The following DLGAP1 variants were observed in gnomAD, a reference collection of about 807,000 sequenced individuals.
DLGAP1 encodes disks large-associated protein 1.
DLGAP1 carries 11 observed loss-of-function variants against 90.8 expected under a neutral mutation model. The ratio of observed to expected loss-of-function variants is 0.12; its 90% confidence interval spans 0.08 to 0.20. The LOEUF (loss-of-function observed/expected upper bound fraction) is 0.20, where lower values mean the gene tolerates loss of function less well. Among genes scored for constraint, DLGAP1 ranks in the 10% least tolerant of loss-of-function variants. DLGAP1 has a pLI of 1.00. For missense variants in DLGAP1, 1,050 were observed against 1,333.8 expected, an observed-to-expected ratio of 0.79 and a Z score of 3.31; for synonymous variants, 558 against 540.7, an observed-to-expected ratio of 1.03 and a Z score of -0.44.
intron 5 of DLGAP1, among the ~76,000 whole-genome samples, chr18:3,758,105 T>A (rs1296184450): frequency 6.9e-6 from 1 of 145,698 alleles, no homozygotes; most frequent in African/African-American, 2.6e-5. Context: ...AGACTCTATC[T>A]TGAGAAAAAA....
chr18:3,993,078 T>TTC (rs2074000503), intron 3 of DLGAP1: 2 of 150,670 alleles, frequency 1.3e-5, no homozygotes, highest in South Asian at 2.1e-4. Flanking sequence ...ATTCCATGAT[T>TTC]TTTTTTTTTC....
intron 5 of DLGAP1, among the ~76,000 whole-genome samples, chr18:3,753,925 A>G (rs1490386899): frequency 6.6e-6 from 1 of 152,210 alleles, no homozygotes; most frequent in East Asian, 1.9e-4. Context: ...GCAAATACCA[A>G]AACCTGGAGA....
intron 3 of DLGAP1, among the ~76,000 whole-genome samples, chr18:3,915,186 C>T (rs1014282105): frequency 5.9e-5 from 9 of 152,154 alleles, no homozygotes; most frequent in Non-Finnish European, 1.0e-4. Flanking sequence ...TATTCAGGTC[C>T]TTTGCCCATT....
At position 4,136,491 on chromosome 18, in the gene DLGAP1, T is replaced by G. The variant is rs565101672; in HGVS notation, c.-159+14689A>C. 3.3e-5 allele frequency among the ~76,000 whole-genome samples: 5 copies of G among 152,346 alleles called. No individual in the cohort carries two copies. In the South Asian group the frequency reaches 8.3e-4, roughly 25 times the overall value. On this transcript the variant is annotated intron_variant, in intron 2 of 12. Coordinates refer to ENST00000315677, the MANE Select transcript of DLGAP1 (RefSeq NM_004746.4). The stretch of plus-strand genomic sequence containing the variant: ...TGATTTGCATTTCTCTAATGATCAA[T>G]GATGGTGAGCACCTTCTCATATATC...
At chr18:4,057,944 G>T (rs1016284504) in intron 2 of DLGAP1, among the ~76,000 whole-genome samples, 2 of 152,092 alleles carry the variant, frequency 1.3e-5, no homozygotes, top group African/African-American at 4.8e-5. Context: ...TAGAGGCTCT[G>T]CTCCTCCTGG....
intron 3 of DLGAP1, among the ~76,000 whole-genome samples, chr18:3,966,827 G>C (rs1254737491): frequency 6.6e-6 from 1 of 152,186 alleles, no homozygotes; most frequent in African/African-American, 2.4e-5. Context: ...GTCTGAGCTA[G>C]AGATAACAGA....
intron 5 of DLGAP1, among the ~76,000 whole-genome samples, chr18:3,744,465 A>G (rs2063183882): frequency 6.6e-6 from 1 of 152,168 alleles, no homozygotes; most frequent in African/African-American, 2.4e-5. Context: ...TAATGCAAAA[A>G]ACCCCCACAA....
chr18:3,977,259 A>G (rs1158251732), intron 3 of DLGAP1, among the ~76,000 whole-genome samples: 2 of 151,960 alleles, frequency 1.3e-5, no homozygotes, highest in Non-Finnish European at 2.9e-5. Flanking sequence ...TTTAGTAGAG[A>G]CGGGGTTTTC....
At chr18:4,435,294 G>C (rs1003510607) in intron 1 of DLGAP1, among the ~76,000 whole-genome samples, 5 of 152,138 alleles carry the variant, frequency 3.3e-5, no homozygotes, top group Non-Finnish European at 7.3e-5. Flanking sequence ...TTGATACAAG[G>C]AAGTAAAAGT....
chr18:4,035,135 C>CAT (rs1296534567), intron 2 of DLGAP1, among the ~76,000 whole-genome samples: 1 of 152,174 alleles, frequency 6.6e-6, no homozygotes, highest in Non-Finnish European at 1.5e-5. Context: ...CCGCAATAAA[C>CAT]ATACACGTGC....
At chr18:3,645,497 T>C (rs2059087804) in intron 7 of DLGAP1, among the ~76,000 whole-genome samples, 1 of 152,140 alleles carries the variant, frequency 6.6e-6, no homozygotes, top group South Asian at 2.1e-4. Context: ...TGCAGTCACA[T>C]CTGACTCCTG....
intron 7 of DLGAP1, among the ~76,000 whole-genome samples, chr18:3,641,931 T>C (rs538503968): frequency 2.6e-5 from 4 of 152,304 alleles, no homozygotes; most frequent in African/African-American, 7.2e-5. Flanking sequence ...TTAAATGCCT[T>C]TGGACGCTAA....
chr18:4,064,656 T>A (rs2075346935), intron 2 of DLGAP1, among the ~76,000 whole-genome samples: 1 of 151,860 alleles, frequency 6.6e-6, no homozygotes, highest in Non-Finnish European at 1.5e-5. Context: ...AGAAACCGAA[T>A]CCCTGAACAG....
intron 7 of DLGAP1, among the ~76,000 whole-genome samples, chr18:3,619,423 A>G (rs972791819): frequency 6.6e-6 from 1 of 152,158 alleles, no homozygotes; most frequent in Non-Finnish European, 1.5e-5. Context: ...CTGCAAGTCT[A>G]GTGGGGTCAC....
At chr18:4,085,232 A>G (rs2075665293) in intron 2 of DLGAP1, among the ~76,000 whole-genome samples, 1 of 152,186 alleles carries the variant, frequency 6.6e-6, no homozygotes, top group Admixed American at 6.5e-5. Flanking sequence ...GAAGCTAATT[A>G]TTTACTGCAC....
At chr18:3,506,408 G>A (rs1486489776) in intron 11 of DLGAP1, among the ~76,000 whole-genome samples, 1 of 151,746 alleles carries the variant, frequency 6.6e-6, no homozygotes, top group East Asian at 1.9e-4. Context: ...AGCTACTCGG[G>A]AGGGTGAGGC....
At chr18:3,922,625 T>C (rs2072291062) in intron 3 of DLGAP1, among the ~76,000 whole-genome samples, 1 of 152,216 alleles carries the variant, frequency 6.6e-6, no homozygotes, top group Non-Finnish European at 1.5e-5. Context: ...TAGCTGCATA[T>C]TATTTTACCT....
chr18:3,889,512 A>G (rs1042406281), intron 3 of DLGAP1, among the ~76,000 whole-genome samples: 1 of 152,270 alleles, frequency 6.6e-6, no homozygotes, highest in East Asian at 1.9e-4. Flanking sequence ...TGCTGTACAA[A>G]TCTACTTTCC....
intron 7 of DLGAP1, among the ~76,000 whole-genome samples, chr18:3,640,137 T>TA (rs1024951591): frequency 9.9e-5 from 15 of 152,178 alleles, no homozygotes; most frequent in African/African-American, 3.6e-4. Flanking sequence ...CGTAGGATAG[T>TA]AGTGTCTTCC....
Sources: gnomAD v4.1 joint callset for allele counts (sites outside exome capture counted in the v4.1 genomes callset) on GRCh38, gnomAD v4.1.1 for gene constraint, MANE v1.5 for transcripts, NCBI Gene and HGNC (gene_info 2026-07-23, HGNC 2026-07-21) for gene names.